Variants in NIBAN1 observed in about 807,000 individuals in gnomAD.
The protein encoded by NIBAN1 is niban apoptosis regulator 1.
In NIBAN1, 81 loss-of-function variants were observed where a neutral mutation model predicts 75.1. The observed-to-expected ratio is 1.08, with a 90% confidence interval of 0.90 to 1.30. NIBAN1 has a LOEUF of 1.30. Ranked by LOEUF, NIBAN1 falls within the 50% of genes most tolerant of loss-of-function variation. NIBAN1 has a pLI of 0.00. For synonymous variants in NIBAN1, 436 were observed against 424.8 expected (o/e 1.03, Z -0.32); for missense variants, 1,133 against 1,128.1 (o/e 1.00, Z -0.06).
chr1:184,871,469 GC>G (rs1319593929), intron 5 of NIBAN1, among the ~76,000 whole-genome samples: 4 of 151,526 alleles, frequency 2.6e-5, no homozygotes, highest in Non-Finnish European at 5.9e-5. Context: ...AAGGAGAGAA[GC>G]CTGGAATGGA....
At chr1:184,863,534 C>G (rs908130887) in intron 5 of NIBAN1, among the ~76,000 whole-genome samples, 2 of 152,164 alleles carry the variant, frequency 1.3e-5, no homozygotes, top group Non-Finnish European at 2.9e-5. Flanking sequence ...CAAGCAACTG[C>G]AATTGCAATT....
intron 1 of NIBAN1, among the ~76,000 whole-genome samples, chr1:184,919,666 C>T (rs908172463): frequency 6.6e-6 from 1 of 152,042 alleles, no homozygotes; most frequent in Admixed American, 6.5e-5. Context: ...TGAAGGGTTT[C>T]CGTGGTACTT....
chr1:184,972,027 TTAAAG>T (rs1292103067), intron 1 of NIBAN1, among the ~76,000 whole-genome samples: 2 of 152,208 alleles, frequency 1.3e-5, no homozygotes, highest in Non-Finnish European at 2.9e-5. Context: ...ATGATTTGTC[TTAAAG>T]TAAAGGCTGA....
At chr1:184,912,443 G>C (rs1657265650) in intron 1 of NIBAN1, among the ~76,000 whole-genome samples, 1 of 152,096 alleles carries the variant, frequency 6.6e-6, no homozygotes, top group Admixed American at 6.6e-5. Context: ...CAAAGTGGCT[G>C]CGCAATTCAC....
chr1:184,864,780 C>T (rs1359110126), intron 5 of NIBAN1, among the ~76,000 whole-genome samples: 1 of 151,420 alleles, frequency 6.6e-6, no homozygotes, highest in African/African-American at 2.4e-5. Flanking sequence ...GGGCAAAAGA[C>T]ATGAATAGAC....
chr1:184,948,616 A>G (rs998038571), intron 1 of NIBAN1, among the ~76,000 whole-genome samples: 1 of 152,172 alleles, frequency 6.6e-6, no homozygotes, highest in African/African-American at 2.4e-5. Context: ...TTTTAAAATG[A>G]CCTAAATGTC....
At chr1:184,824,480 G>T (rs897202471) in intron 6 of NIBAN1, among the ~76,000 whole-genome samples, 1 of 151,962 alleles carries the variant, frequency 6.6e-6, no homozygotes, top group African/African-American at 2.4e-5. Context: ...CAGAACCCAA[G>T]CCCCAAAAGG....
At chr1:184,900,269 G>A (rs760822521) in intron 1 of NIBAN1, among the ~76,000 whole-genome samples, 5 of 152,072 alleles carry the variant, frequency 3.3e-5, no homozygotes, top group Admixed American at 6.6e-5. Flanking sequence ...TAACCACCAC[G>A]AGACAGAGGG....
chr1:184,806,117 G>A (rs1654191772), intron 10 of NIBAN1, 61 bp from the exon 11 acceptor site: 1 of 1,398,682 alleles, frequency 7.1e-7, no homozygotes, highest in African/African-American at 1.4e-5. Context: ...ACCACCCACA[G>A]GCCTGGCTAA....
chr1:184,832,599 A>C (rs1481694044), intron 5 of NIBAN1, among the ~76,000 whole-genome samples: 2 of 152,254 alleles, frequency 1.3e-5, no homozygotes, highest in African/African-American at 4.8e-5. Context: ...TGCCTAGATC[A>C]TATAGCTAGT....
intron 1 of NIBAN1, among the ~76,000 whole-genome samples, chr1:184,916,538 T>A (rs544573850): frequency 6.6e-6 from 1 of 152,298 alleles, no homozygotes; most frequent in East Asian, 1.9e-4. Context: ...CCTTGAATAA[T>A]TATGTGTGTG....
intron 1 of NIBAN1, among the ~76,000 whole-genome samples, chr1:184,946,260 G>A (rs1163935565): frequency 2.0e-5 from 3 of 152,206 alleles, no homozygotes; most frequent in Non-Finnish European, 4.4e-5. Context: ...TCCAAGAATA[G>A]TGATTTTCAG....
At chr1:184,800,918 C>T (rs1654022988) in intron 12 of NIBAN1, among the ~76,000 whole-genome samples, 1 of 152,170 alleles carries the variant, frequency 6.6e-6, no homozygotes, top group Non-Finnish European at 1.5e-5. Flanking sequence ...CTTCAGCTGG[C>T]CCTGACATTC....
Position 184,792,300 on chromosome 1 carries a change from A to T in NIBAN1, c.*2677T>A, listed in dbSNP as rs1220139541. 6.6e-6 allele frequency: 1 copy of T among 152,268 alleles called. No individual in the cohort carries two copies. Among genetic ancestry groups the T allele is most frequent in the East Asian group, 1.9e-4 (1 of 5,190 alleles). The allele number at this position is 152,268 out of a possible 1,614,324, so 9.4% of individuals were successfully genotyped here. A position where few individuals can be genotyped will look rare whatever the true frequency, so the allele number is the denominator to read the frequency against. On this transcript the variant is annotated 3_prime_UTR_variant, in exon 14 of 14. Coordinates refer to ENST00000367511, the MANE Select transcript of NIBAN1 (RefSeq NM_052966.4). ...ATTCTTTGATTATATTCTGGAGTAC[A>T]TCCTGCCAAATAGTGCCCAGTCCTC...
At chr1:184,901,168 C>T (rs982297841) in intron 1 of NIBAN1, among the ~76,000 whole-genome samples, 3 of 152,162 alleles carry the variant, frequency 2.0e-5, no homozygotes, top group Non-Finnish European at 2.9e-5. Flanking sequence ...AGGTCTTATA[C>T]TATAAATGAG....
intron 1 of NIBAN1, among the ~76,000 whole-genome samples, chr1:184,960,924 T>G (rs917098766): frequency 1.3e-5 from 2 of 150,166 alleles, no homozygotes; most frequent in African/African-American, 4.9e-5. Context: ...GCCACCACGC[T>G]CAGCCAGGCA....
chr1:184,829,075 C>T (rs533747335), intron 6 of NIBAN1, among the ~76,000 whole-genome samples: 1 of 152,330 alleles, frequency 6.6e-6, no homozygotes, highest in South Asian at 2.1e-4. Context: ...GCTAAGATTA[C>T]AGGTATGAGC....
At chr1:184,823,083 T>A in intron 8 of NIBAN1, 84 bp downstream of exon 8, 1 of 1,484,494 alleles carries the variant, frequency 6.7e-7, no homozygotes, top group South Asian at 1.3e-5. Flanking sequence ...AATTATCCTC[T>A]GAAACCATGC....
chr1:184,927,691 A>G (rs1217266937), intron 1 of NIBAN1, among the ~76,000 whole-genome samples: 1 of 152,064 alleles, frequency 6.6e-6, no homozygotes, highest in Admixed American at 6.6e-5. Context: ...TTAGGGCCCT[A>G]CAATTAGCAG....
Sources: allele counts gnomAD v4.1 joint callset (sites outside exome capture counted in the v4.1 genomes callset), GRCh38; gene constraint gnomAD v4.1.1; transcripts MANE v1.5; gene names NCBI Gene and HGNC (gene_info 2026-07-23, HGNC 2026-07-21).